Variants in SNX29 observed in about 807,000 individuals in gnomAD.
SNX29 encodes the protein sorting nexin-29.
In SNX29, 78 loss-of-function variants were observed where a neutral mutation model predicts 102.1. The ratio of observed to expected loss-of-function variants is 0.76; its 90% CI spans 0.64 to 0.92. The LOEUF is 0.92. Among genes scored for constraint, SNX29 ranks in the 40% least tolerant of loss-of-function variants. The pLI is 0.00. For missense variants in SNX29, 1,280 were observed against 1,061.7 expected (o/e 1.21, Z -2.86); for synonymous variants, 580 against 414.5 (o/e 1.40, Z -4.85).
rs59796551 is a variant in SNX29, at chr16:12,267,245, A to AGTGT, written c.1679-10675_1679-10672dup. Among the ~76,000 whole-genome samples the AGTGT allele has an allele frequency of 9.7e-3, 1,467 of 150,664 alleles. 21 individuals carry two copies. Among genetic ancestry groups the AGTGT allele is most frequent in the African/African-American group, 0.033 (1,366 of 41,062 alleles). On this transcript the variant is annotated intron_variant, in intron 14 of 20. Transcript: ENST00000566228. ...AACCAAAAATGTTAGCATGGGTGCG[A>AGTGT]GTGTGTGTGTGTGTGTATGTGTGGC...
At chr16:12,454,122 C>G (rs2086427942) in intron 18 of SNX29, among the ~76,000 whole-genome samples, 1 of 152,310 alleles carries the variant, frequency 6.6e-6, no homozygotes, top group Middle Eastern at 3.4e-3. Context: ...CCCAGAAAGG[C>G]TGCTTATACC....
intron 20 of SNX29, among the ~76,000 whole-genome samples, chr16:12,544,663 G>A (rs1019719118): frequency 3.9e-5 from 6 of 152,288 alleles, no homozygotes; most frequent in South Asian, 2.1e-4. Context: ...TACTTCTCAT[G>A]AAGCCTTTGA....
chr16:12,284,217 A>G (rs1051921370), intron 15 of SNX29, among the ~76,000 whole-genome samples: 2 of 152,232 alleles, frequency 1.3e-5, no homozygotes, highest in African/African-American at 2.4e-5. Flanking sequence ...TGGAAAGCAC[A>G]TGTATCGCGT....
At chr16:12,522,845 C>G (rs908155318) in intron 19 of SNX29, among the ~76,000 whole-genome samples, 1 of 152,200 alleles carries the variant, frequency 6.6e-6, no homozygotes, top group Non-Finnish European at 1.5e-5. Flanking sequence ...CAGGGTCTAA[C>G]TGTCTCCCAG....
At chr16:12,083,560 T>A (rs2052017612) in intron 11 of SNX29, among the ~76,000 whole-genome samples, 1 of 152,154 alleles carries the variant, frequency 6.6e-6, no homozygotes, top group Non-Finnish European at 1.5e-5. Context: ...ATTACCTCAT[T>A]AAGGCCTTGT....
At chr16:12,493,804 C>G (rs1597598959) in intron 19 of SNX29, among the ~76,000 whole-genome samples, 2 of 152,318 alleles carry the variant, frequency 1.3e-5, no homozygotes, top group East Asian at 3.9e-4. Context: ...GTTGGCCAGA[C>G]TGGTTGCAAA....
intron 15 of SNX29, among the ~76,000 whole-genome samples, chr16:12,352,150 A>G (rs2082007186): frequency 6.6e-6 from 1 of 152,238 alleles, no homozygotes; most frequent in African/African-American, 2.4e-5. Flanking sequence ...GATTAAAGAA[A>G]TGTGGCACAT....
chr16:12,434,978 G>C lies in SNX29; in HGVS notation c.2037+31449G>C, dbSNP rs191900852. Among the ~76,000 whole-genome samples the C allele has an allele frequency of 1.1e-4, 15 of 135,248 alleles. No homozygotes were observed. The East Asian group carries it at 3.2e-3, about 29-fold the overall frequency. 88.7% of individuals were successfully genotyped at this position (135,248 alleles called of 152,430 possible). A position where few individuals can be genotyped will look rare whatever the true frequency, so the allele number is the denominator to read the frequency against. ...TGTCAGTCCTGTTATGGGGGGCGGT[G>C]GGGGGGGTTTGGTCATCTCTTCATG... On this transcript the variant is annotated intron_variant, in intron 18 of 20. Coordinates refer to ENST00000566228, the MANE Select transcript of SNX29 (RefSeq NM_032167.5).
intron 18 of SNX29, among the ~76,000 whole-genome samples, chr16:12,416,020 A>G (rs1425187252): frequency 2.0e-5 from 3 of 152,202 alleles, no homozygotes; most frequent in Admixed American, 6.5e-5. Context: ...TGTCAGACAC[A>G]TGCATCTGCC....
At chr16:12,550,186 A>C (rs2856776) in intron 20 of SNX29, among the ~76,000 whole-genome samples, 1 of 152,074 alleles carries the variant, frequency 6.6e-6, no homozygotes, top group African/African-American at 2.4e-5. Flanking sequence ...CCATGACATT[A>C]TTACTAAGAG....
At chr16:12,169,689 A>G (rs910525211) in intron 13 of SNX29, among the ~76,000 whole-genome samples, 11 of 152,118 alleles carry the variant, frequency 7.2e-5, no homozygotes, top group South Asian at 2.1e-4. Flanking sequence ...GTGAAATGCT[A>G]TCTGTACTAA....
chr16:12,187,241 C>A (rs940577810), intron 13 of SNX29, among the ~76,000 whole-genome samples: 3 of 152,236 alleles, frequency 2.0e-5, no homozygotes, highest in African/African-American at 7.2e-5. Flanking sequence ...ACCTGCACTG[C>A]CCCTCTATGC....
intron 20 of SNX29, among the ~76,000 whole-genome samples, chr16:12,562,411 T>C (rs1290480313): frequency 6.6e-6 from 1 of 152,178 alleles, no homozygotes; most frequent in African/African-American, 2.4e-5. Flanking sequence ...TACCATACAA[T>C]TTACCCACTT....
intron 11 of SNX29, among the ~76,000 whole-genome samples, chr16:12,125,603 CTCTTTTTTTTTTTTTTTTTTTTTTTTTTT>C (rs2054175475): frequency 1.4e-5 from 1 of 71,496 alleles, no homozygotes; most frequent in African/African-American, 5.3e-5. Flanking sequence ...GCTGAGATCT[CTCTTTTTTTTTTTTTTTTTTTTTTTTTTT>C]TTTTTTTTTG....
intron 18 of SNX29, among the ~76,000 whole-genome samples, chr16:12,427,950 C>T (rs903255469): frequency 6.6e-6 from 1 of 152,258 alleles, no homozygotes; most frequent in African/African-American, 2.4e-5. Context: ...GCACAGCTCC[C>T]TGCAGCAGCT....
At chr16:12,518,057 G>A (rs367581903) in intron 19 of SNX29, among the ~76,000 whole-genome samples, 7 of 152,172 alleles carry the variant, frequency 4.6e-5, no homozygotes, top group African/African-American at 9.7e-5. Context: ...CTGCGGCCAC[G>A]CGGCAAGGTT....
intron 3 of SNX29, among the ~76,000 whole-genome samples, chr16:12,012,568 C>T (rs1188238256): frequency 1.3e-5 from 2 of 152,056 alleles, no homozygotes; most frequent in Non-Finnish European, 2.9e-5. Context: ...GCCCCCATGC[C>T]TGGCTAATGT....
chr16:12,555,363 C>A (rs1203007100), intron 20 of SNX29, among the ~76,000 whole-genome samples: 1 of 151,962 alleles, frequency 6.6e-6, no homozygotes, highest in Admixed American at 6.5e-5. Flanking sequence ...AACTTTTCTC[C>A]CATGAGGCGC....
At chr16:12,423,254 G>C (rs886302519) in intron 18 of SNX29, among the ~76,000 whole-genome samples, 5 of 152,048 alleles carry the variant, frequency 3.3e-5, no homozygotes, top group African/African-American at 1.2e-4. Context: ...GCAGGCCCTG[G>C]GAAAACATTC....
Sources: allele counts gnomAD v4.1 joint callset (sites outside exome capture counted in the v4.1 genomes callset), GRCh38; gene constraint gnomAD v4.1.1; transcripts MANE v1.5; gene names NCBI Gene and HGNC (gene_info 2026-07-23, HGNC 2026-07-21).